The following INSL6 variants were observed in gnomAD, a reference collection of about 807,000 sequenced individuals.
INSL6 encodes insulin-like peptide INSL6.
INSL6 carries 16 observed loss-of-function variants against 9.4 expected under a neutral mutation model. The ratio of observed to expected loss-of-function variants is 1.70; its 90% CI spans 1.15 to 2.59. The LOEUF (loss-of-function observed/expected upper bound fraction) is 2.59. INSL6 is among the 30% of genes most tolerant of loss of function. The pLI, the probability that INSL6 is intolerant of heterozygous loss-of-function variation, is 0.00. For missense variants in INSL6, 391 were observed against 257.3 expected (o/e 1.52, Z -3.56); for synonymous variants, 154 against 96.9 (o/e 1.59, Z -3.46).
At chr9:5,140,878 T>C (rs115735878) in intron 2 of INSL6, among the ~76,000 whole-genome samples, 1,535 of 151,572 alleles carry the variant, frequency 0.01, 25 homozygotes, top group African/African-American at 0.034. Flanking sequence ...CACCCTCTAA[T>C]AGGCCCCTGT....
chr9:5,085,460 G>C, the INSL6 span: 2 of 732,136 alleles, frequency 2.7e-6, no homozygotes, highest in Non-Finnish European at 5.2e-6. Context: ...GTCTTTTCAA[G>C]GTATTGTGCA....
At chr9:5,025,679 C>A in the INSL6 span, among the ~76,000 whole-genome samples, 2 of 152,024 alleles carry the variant, frequency 1.3e-5, no homozygotes, top group East Asian at 3.9e-4. Flanking sequence ...ACTACAGGCA[C>A]CCACCACCAC....
At chr9:5,145,333 G>A (rs1037326451) in intron 2 of INSL6, among the ~76,000 whole-genome samples, 4 of 152,168 alleles carry the variant, frequency 2.6e-5, no homozygotes, top group Admixed American at 1.3e-4. Flanking sequence ...TCCACTGATA[G>A]TAAGACAGAC....
At chr9:5,135,041 C>A (rs974622588) in intron 2 of INSL6, among the ~76,000 whole-genome samples, 1 of 152,056 alleles carries the variant, frequency 6.6e-6, no homozygotes, top group African/African-American at 2.4e-5. Flanking sequence ...CAATCCTAGT[C>A]TCTGATAAAA....
At chr9:5,173,009 G>T (rs1470226461) in intron 1 of INSL6, among the ~76,000 whole-genome samples, 1 of 151,212 alleles carries the variant, frequency 6.6e-6, no homozygotes, top group Non-Finnish European at 1.5e-5. Context: ...ACAGACATTT[G>T]AAAAAAAAGC....
chr9:5,070,568 T>G, the INSL6 span, among the ~76,000 whole-genome samples: 2 of 152,072 alleles, frequency 1.3e-5, no homozygotes, highest in South Asian at 4.1e-4. Flanking sequence ...TTTAAATAAC[T>G]AATTATTTTT....
At chr9:5,125,158 A>G (rs577684263) in intron 3 of INSL6, among the ~76,000 whole-genome samples, 4 of 151,360 alleles carry the variant, frequency 2.6e-5, no homozygotes, top group African/African-American at 4.8e-5. Context: ...GACCACCTCA[A>G]TATTGTGGTA....
chr9:5,085,126 C>T, the INSL6 span: 1,882 of 649,396 alleles, frequency 2.9e-3, 24 homozygotes, highest in African/African-American at 0.029. Flanking sequence ...TTGTTTTACA[C>T]CATCACTCTG....
the INSL6 span, among the ~76,000 whole-genome samples, chr9:5,087,591 A>T: frequency 2.0e-5 from 3 of 152,210 alleles, no homozygotes; most frequent in African/African-American, 7.2e-5. Context: ...AAATAGAGGC[A>T]TTCCGAATTA....
the INSL6 span, among the ~76,000 whole-genome samples, chr9:5,066,036 T>A: frequency 6.6e-6 from 1 of 152,192 alleles, no homozygotes; most frequent in Admixed American, 6.5e-5. Flanking sequence ...ATTCAAACAT[T>A]CTTTTATTTA....
chr9:5,101,054 G>A, the INSL6 span: 1 of 152,274 alleles, frequency 6.6e-6, no homozygotes, highest in Non-Finnish European at 1.5e-5. Flanking sequence ...AGCCCACAGA[G>A]GGCAAGTTGA....
chr9:5,117,648 G>C, the INSL6 span, among the ~76,000 whole-genome samples: 1 of 150,626 alleles, frequency 6.6e-6, no homozygotes, highest in Non-Finnish European at 1.5e-5. Flanking sequence ...TATGTTAACA[G>C]GTAATGGTTT....
chr9:5,176,327 T>G (rs1392321064), intron 1 of INSL6, among the ~76,000 whole-genome samples: 1 of 152,222 alleles, frequency 6.6e-6, no homozygotes, highest in African/African-American at 2.4e-5. Context: ...AACTCCTTGC[T>G]CTGTTTATCT....
At chr9:5,111,522 C>A in the INSL6 span, 2 of 368,104 alleles carry the variant, frequency 5.4e-6, no homozygotes, top group Non-Finnish European at 5.3e-6. Flanking sequence ...TCCGCCAAGA[C>A]GCCCAGCAGC....
At chr9:4,993,856 G>A in the INSL6 span, among the ~76,000 whole-genome samples, 1 of 152,222 alleles carries the variant, frequency 6.6e-6, no homozygotes, top group African/African-American at 2.4e-5. Context: ...CCCCACGTCT[G>A]TGTGGGTTTT....
At chr9:5,015,172 A>G in the INSL6 span, among the ~76,000 whole-genome samples, 11 of 152,162 alleles carry the variant, frequency 7.2e-5, no homozygotes, top group African/African-American at 2.6e-4. Context: ...GTATTTACCT[A>G]TTTTCCTGAT....
At chr9:5,048,323 A>G in the INSL6 span, among the ~76,000 whole-genome samples, 1 of 151,796 alleles carries the variant, frequency 6.6e-6, no homozygotes, top group East Asian at 1.9e-4. Flanking sequence ...TTGTATTTTT[A>G]GTAGAGATGG....
At chr9:5,021,692 G>A in the INSL6 span, among the ~76,000 whole-genome samples, 3 of 152,162 alleles carry the variant, frequency 2.0e-5, no homozygotes, top group East Asian at 1.9e-4. Context: ...GGTGGAGTGC[G>A]GAGGTTTGCT....
At chr9:5,029,641 G>T in the INSL6 span, 2 of 621,362 alleles carry the variant, frequency 3.2e-6, no homozygotes, top group African/African-American at 1.9e-5. Context: ...GTAGGGGTTG[G>T]TATATCAAAA....
Sources: allele counts gnomAD v4.1 joint callset (sites outside exome capture counted in the v4.1 genomes callset), GRCh38; gene constraint gnomAD v4.1.1; transcripts MANE v1.5; gene names NCBI Gene and HGNC (gene_info 2026-07-23, HGNC 2026-07-21).